Variants in SLC44A5 observed in about 807,000 individuals in gnomAD.
SLC44A5 encodes choline transporter-like protein 5.
In SLC44A5, 57 loss-of-function variants were observed where a neutral mutation model predicts 101.8. The observed-to-expected ratio is 0.56, with a 90% CI of 0.45 to 0.70. The LOEUF (loss-of-function observed/expected upper bound fraction) is 0.70. Among genes scored for constraint, SLC44A5 ranks in the 30% least tolerant of loss-of-function variants. The pLI, the probability that SLC44A5 is intolerant of heterozygous loss-of-function variation, is 0.00. For synonymous variants in SLC44A5, 281 were observed against 290.9 expected (o/e 0.97, Z 0.35); for missense variants, 737 against 853.1 (o/e 0.86, Z 1.70).
At chr1:75,686,791 A>T in the SLC44A5 span, among the ~76,000 whole-genome samples, 2 of 152,236 alleles carry the variant, frequency 1.3e-5, no homozygotes, top group Admixed American at 1.3e-4. Context: ...ATTACTGTGG[A>T]TAGCTACCAT....
At chr1:75,678,173 C>T in the SLC44A5 span, among the ~76,000 whole-genome samples, 38 of 152,272 alleles carry the variant, frequency 2.5e-4, no homozygotes, top group Admixed American at 1.6e-3. Context: ...AAGGCTGAAG[C>T]GAGGCTGGGG....
the SLC44A5 span, among the ~76,000 whole-genome samples, chr1:75,656,783 T>A: frequency 6.6e-6 from 1 of 152,062 alleles, no homozygotes; most frequent in Non-Finnish European, 1.5e-5. Context: ...CTAAAACAAC[T>A]AAAATACAAG....
chr1:75,621,797 T>C, the SLC44A5 span, among the ~76,000 whole-genome samples: 4 of 152,100 alleles, frequency 2.6e-5, no homozygotes, highest in African/African-American at 9.7e-5. Flanking sequence ...TGTACAATTC[T>C]GTGACTGGAA....
At chr1:75,648,370 C>T in the SLC44A5 span, among the ~76,000 whole-genome samples, 7 of 152,038 alleles carry the variant, frequency 4.6e-5, no homozygotes, top group African/African-American at 1.7e-4. Flanking sequence ...TTAATAGCAG[C>T]ATGAGAATGA....
At chr1:75,321,643 A>G (rs1431192661) in intron 4 of SLC44A5, among the ~76,000 whole-genome samples, 6 of 152,240 alleles carry the variant, frequency 3.9e-5, no homozygotes, top group Non-Finnish European at 7.3e-5. Flanking sequence ...TTCAGTTTAT[A>G]GCAGAGATTC....
chr1:75,691,077 TTGAG>T, the SLC44A5 span, among the ~76,000 whole-genome samples: 1 of 152,122 alleles, frequency 6.6e-6, no homozygotes, highest in Non-Finnish European at 1.5e-5. Flanking sequence ...CCCCCCTTTC[TTGAG>T]TGTGTACTTT....
At chr1:75,616,189 G>A in the SLC44A5 span, among the ~76,000 whole-genome samples, 1 of 151,642 alleles carries the variant, frequency 6.6e-6, no homozygotes, top group Non-Finnish European at 1.5e-5. Context: ...GGCAGCGCTG[G>A]GTCCCCTGAG....
chr1:75,635,319 A>G, the SLC44A5 span, among the ~76,000 whole-genome samples: 1 of 152,000 alleles, frequency 6.6e-6, no homozygotes, highest in African/African-American at 2.4e-5. Context: ...GTATATACCC[A>G]AAGGACTATA....
At chr1:75,552,898 G>GT (rs1672017501) in intron 1 of SLC44A5, among the ~76,000 whole-genome samples, 1 of 14,462 alleles carries the variant, frequency 6.9e-5, no homozygotes, top group South Asian at 1.7e-3. Flanking sequence ...ACTTTTCCAT[G>GT]CTTTCACCTT....
chr1:75,248,718 T>A (rs912742986), intron 7 of SLC44A5, among the ~76,000 whole-genome samples: 2 of 152,004 alleles, frequency 1.3e-5, no homozygotes, highest in African/African-American at 2.4e-5. Flanking sequence ...CCACTTGAAG[T>A]TAGGTCCTGA....
At chr1:75,445,927 A>G (rs1242445521) in intron 2 of SLC44A5, among the ~76,000 whole-genome samples, 3 of 152,126 alleles carry the variant, frequency 2.0e-5, no homozygotes, top group African/African-American at 7.2e-5. Flanking sequence ...TCGGGGAAGA[A>G]ACTTAGCTTT....
chr1:75,418,380 G>A (rs1345058476), intron 2 of SLC44A5, among the ~76,000 whole-genome samples: 2 of 152,292 alleles, frequency 1.3e-5, no homozygotes, highest in African/African-American at 2.4e-5. Flanking sequence ...CTAGTAATTA[G>A]GTTCAGTATT....
At chr1:75,601,629 C>A (rs1230412845) in intron 1 of SLC44A5, among the ~76,000 whole-genome samples, 1 of 152,122 alleles carries the variant, frequency 6.6e-6, no homozygotes, top group African/African-American at 2.4e-5. Flanking sequence ...TCAGCAAAAG[C>A]ACTTCTGCAG....
chr1:75,590,149 C>G (rs1557939890), intron 1 of SLC44A5, among the ~76,000 whole-genome samples: 1 of 151,722 alleles, frequency 6.6e-6, no homozygotes, highest in African/African-American at 2.4e-5. Flanking sequence ...CAGCTCTGGG[C>G]TCAAAAAGAG....
intron 2 of SLC44A5, among the ~76,000 whole-genome samples, chr1:75,452,605 C>T (rs1258693738): frequency 2.0e-5 from 3 of 152,082 alleles, no homozygotes; most frequent in Non-Finnish European, 4.4e-5. Context: ...CAAAGAGTGG[C>T]AAGTTGAATA....
intron 6 of SLC44A5, among the ~76,000 whole-genome samples, chr1:75,257,390 A>G (rs1457663613): frequency 6.6e-6 from 1 of 152,190 alleles, no homozygotes; most frequent in Non-Finnish European, 1.5e-5. Flanking sequence ...AACCAAAATA[A>G]CAAGTAGATA....
intron 4 of SLC44A5, among the ~76,000 whole-genome samples, chr1:75,324,692 G>A (rs1328860620): frequency 6.6e-6 from 1 of 152,092 alleles, no homozygotes; most frequent in Admixed American, 6.6e-5. Context: ...CCCTTCCTCA[G>A]GAATTTGTAG....
chr1:75,444,274 T>C (rs1197281777), intron 2 of SLC44A5, among the ~76,000 whole-genome samples: 1 of 137,972 alleles, frequency 7.2e-6, no homozygotes, highest in Non-Finnish European at 1.5e-5. Flanking sequence ...CTGAGATTGC[T>C]CCACTGCACT....
At position 75,582,734 on chromosome 1, in the gene SLC44A5, G is replaced by A. The variant is rs1315456856; in HGVS notation, c.-70+28306C>T. Among the ~76,000 whole-genome samples, 6 of 152,210 alleles carry A rather than the reference G, an allele frequency of 3.9e-5. No individual in the cohort carries two copies. The East Asian group carries it at 1.2e-3, about 29-fold the overall frequency. ...ATTTTTAAAGTCTGAAGGTATCAAGGAAACTTTCTAATTTAGCCTCTTATT... is the reference window on the plus strand; with the variant it reads ...ATTTTTAAAGTCTGAAGGTATCAAGAAAACTTTCTAATTTAGCCTCTTATT... On this transcript the variant is annotated intron_variant, in intron 1 of 23. Coordinates refer to ENST00000370859, the MANE Select transcript of SLC44A5 (RefSeq NM_001130058.2).
Sources: allele counts gnomAD v4.1 joint callset (sites outside exome capture counted in the v4.1 genomes callset), GRCh38; gene constraint gnomAD v4.1.1; transcripts MANE v1.5; gene names NCBI Gene and HGNC (gene_info 2026-07-23, HGNC 2026-07-21).